The following GOLGA4 variants were observed in gnomAD, a reference collection of about 807,000 sequenced individuals.
GOLGA4 encodes golgin A4.
A neutral mutation model predicts 265.9 loss-of-function variants in GOLGA4; 169 were observed. The ratio of observed to expected loss-of-function variants is 0.64; its 90% CI spans 0.56 to 0.72. GOLGA4 has a LOEUF of 0.72. Among genes scored for constraint, GOLGA4 ranks in the 30% least tolerant of loss-of-function variants. The probability of loss-of-function intolerance (pLI) is 0.00; values close to 1 mark genes in which losing one functional copy is unlikely to be tolerated. For missense variants in GOLGA4, 2,482 were observed against 2,483.4 expected (o/e 1.00, Z 0.01); for synonymous variants, 923 against 855.8 (o/e 1.08, Z -1.37).
intron 10 of GOLGA4, among the ~76,000 whole-genome samples, chr3:37,308,367 A>C (rs1268656117): frequency 2.0e-5 from 3 of 151,880 alleles, no homozygotes; most frequent in Non-Finnish European, 4.4e-5. Context: ...GTAGTTTTCC[A>C]TTGCAAAAGT....
At chr3:37,363,258 G>A (rs2151097046) in intron 23 of GOLGA4, among the ~76,000 whole-genome samples, 1 of 152,326 alleles carries the variant, frequency 6.6e-6, no homozygotes, top group Non-Finnish European at 1.5e-5. Context: ...GATAATAAAT[G>A]TGAACATTGA....
intron 5 of GOLGA4, among the ~76,000 whole-genome samples, chr3:37,290,315 G>A (rs978711523): frequency 6.6e-6 from 1 of 152,090 alleles, no homozygotes; most frequent in Non-Finnish European, 1.5e-5. Flanking sequence ...AGACTATTGC[G>A]TGAATTAACA....
intron 1 of GOLGA4, chr3:37,244,290 G>A (rs1343193154): frequency 6.6e-6 from 1 of 152,248 alleles, no homozygotes; most frequent in Non-Finnish European, 1.5e-5. Flanking sequence ...GGCGGGCGGA[G>A]GGGCAGACAC....
At chr3:37,298,602 GGTTT>G (rs2096884677) in intron 7 of GOLGA4, among the ~76,000 whole-genome samples, 1 of 152,128 alleles carries the variant, frequency 6.6e-6, no homozygotes, top group African/African-American at 2.4e-5. Flanking sequence ...GCAAGAAGGG[GGTTT>G]GTTTGGGAAA....
chr3:37,270,712 G>T (rs2096796336), intron 2 of GOLGA4, among the ~76,000 whole-genome samples: 1 of 151,718 alleles, frequency 6.6e-6, no homozygotes, highest in African/African-American at 2.4e-5. Context: ...AGTATATTTT[G>T]TATTTTATGC....
chr3:37,355,065 C>G, intron 21 of GOLGA4, 36 bp from the exon 22 acceptor site: 2 of 1,176,596 alleles, frequency 1.7e-6, no homozygotes, highest in Non-Finnish European at 1.3e-6. Flanking sequence ...ATATGCTTCA[C>G]TGTCTGTTAG....
chr3:37,249,166 G>A (rs2096727317), intron 1 of GOLGA4, among the ~76,000 whole-genome samples: 1 of 152,130 alleles, frequency 6.6e-6, no homozygotes, highest in Non-Finnish European at 1.5e-5. Context: ...TCTAGGTGTG[G>A]GAAGGGTTTA....
At position 37,335,072 on chromosome 3, in the gene GOLGA4, C is replaced by T. The variant is rs758977059; in HGVS notation, c.6212C>T (p.Thr2071Ile). The change falls in exon 17 of 24, where the codon ACT becomes ATT. Residue 2071 changes from threonine to isoleucine, a missense_variant. Transcript: ENST00000361924. Reference sequence around the variant, plus strand: ...CTAAAGGCTCGTGAAGAAGAAATGACTGCAAAAGTAAGGGACCTGCAGACT... The same window carrying T: ...CTAAAGGCTCGTGAAGAAGAAATGATTGCAAAAGTAAGGGACCTGCAGACT... The part of the protein sequence containing the change: ...EILDAREEEM[T>I]AKVRDLQTQL... 2 of 1,597,220 alleles carry T rather than the reference C, an allele frequency of 1.3e-6. No individual in the cohort carries two copies. The highest frequency in any genetic ancestry group is 2.7e-5 in the African/African-American group (2 of 74,068).
chr3:37,365,281 T>G (rs772612487), intron 23 of GOLGA4, among the ~76,000 whole-genome samples: 11 of 152,150 alleles, frequency 7.2e-5, no homozygotes, highest in Non-Finnish European at 1.6e-4. Context: ...TTTTTATTGT[T>G]TTTTTGAGGC....
intron 21 of GOLGA4, among the ~76,000 whole-genome samples, chr3:37,350,791 A>G (rs1192762220): frequency 2.0e-5 from 3 of 152,166 alleles, no homozygotes. Context: ...TAAGTGTTCA[A>G]TAGGCATTTT....
intron 7 of GOLGA4, 79 bp from the exon 8 acceptor site, chr3:37,298,753 TG>T (rs1280273602): frequency 6.4e-6 from 6 of 941,322 alleles, no homozygotes; most frequent in African/African-American, 3.3e-5. Flanking sequence ...TAGATCTCTT[TG>T]ACTGTCTCAG....
intron 23 of GOLGA4, among the ~76,000 whole-genome samples, chr3:37,364,840 C>A (rs1696625149): frequency 6.6e-6 from 1 of 151,712 alleles, no homozygotes; most frequent in African/African-American, 2.4e-5. Context: ...AGTCCTCTGA[C>A]CCTGGTCTCC....
chr3:37,265,258 G>C (rs916167672), intron 2 of GOLGA4, among the ~76,000 whole-genome samples: 1 of 152,002 alleles, frequency 6.6e-6, no homozygotes, highest in Admixed American at 6.6e-5. Flanking sequence ...CAGTATTTTG[G>C]TGTGTAGTAT....
At chr3:37,246,306 CAA>C (rs58075364) in intron 1 of GOLGA4, among the ~76,000 whole-genome samples, 31 of 75,438 alleles carry the variant, frequency 4.1e-4, no homozygotes, top group East Asian at 8.1e-4. Context: ...GACTCCGTCT[CAA>C]AAAAAAAAAA....
chr3:37,365,582 C>A (rs1696686910), intron 23 of GOLGA4, among the ~76,000 whole-genome samples: 1 of 151,778 alleles, frequency 6.6e-6, no homozygotes, highest in Non-Finnish European at 1.5e-5. Context: ...ATCTTTAATT[C>A]CAGTCCAATA....
In GOLGA4 at chr3:37,340,191, CT is replaced by C; in HGVS notation, c.6466del (p.Tyr2156ThrfsTer31). 3.0e-6 allele frequency: 4 copies of C among 1,330,616 alleles called. No individual in the cohort carries two copies. The highest frequency in any genetic ancestry group is 4.2e-6 in the Non-Finnish European group (4 of 945,864). The allele number at this position is 1,330,616 out of a possible 1,614,324, so 82.4% of individuals were successfully genotyped here. On this transcript the variant is annotated frameshift_variant, in exon 20 of 24. Transcript: ENST00000361924. LOFTEE classifies it high-confidence loss of function. ...GTATATGCAACAACTGTGGGGACAC[CT>C]TACAAAGGTAAGGATGATCTCGTGT... is the stretch of plus-strand genomic sequence containing the variant. ...KNVYATTVGT[P>X]YKGGNLYHTD...
In GOLGA4 at chr3:37,326,619, A is replaced by G. The variant is rs770998784; in HGVS notation, c.4733A>G (p.Asn1578Ser). 3.7e-6 allele frequency: 6 copies of G among 1,613,204 alleles called. No homozygotes were observed. The Admixed American group carries it at 6.7e-5, about 18-fold the overall frequency. Residue 1578 changes from asparagine (N) to serine (S), a missense_variant, in exon 14 of 24, where the codon AAC becomes AGC. Physicochemically the swap from Asn to Ser is conservative, Grantham distance 46 (BLOSUM62 1). This residue lies in a region of GOLGA4 where 942 missense variants were observed against 983.1 expected (regional missense o/e 0.96). Coordinates refer to ENST00000361924, the MANE Select transcript of GOLGA4 (RefSeq NM_002078.5). ...HFQELGEEKDNRVKEAEEKIL... is the reference protein window; with the variant it reads ...HFQELGEEKDSRVKEAEEKIL... The stretch of plus-strand genomic sequence containing the variant: ...CAAGAGTTAGGAGAAGAAAAGGACA[A>G]CAGGGTTAAAGAAGCTGAAGAAAAA...
chr3:37,276,115 G>T (rs1161837414), intron 2 of GOLGA4: 5 of 1,610,548 alleles, frequency 3.1e-6, no homozygotes, highest in Non-Finnish European at 3.4e-6. Flanking sequence ...ATTCTGTGCA[G>T]TTGAAGTGTA....
rs562348084 is a variant in GOLGA4, at chr3:37,289,368, A to G, written c.582+77A>G. On this transcript the variant is annotated intron_variant, in intron 5 of 23. Transcript: ENST00000361924. ...TCAGAACTGTTGTATGTGCTAGGGTAGTTTCATATGCATCTCATTAGTTAT... is the reference window on the plus strand; with the variant it reads ...TCAGAACTGTTGTATGTGCTAGGGTGGTTTCATATGCATCTCATTAGTTAT... 634 of 871,560 alleles carry G rather than the reference A, an allele frequency of 7.3e-4. 1 individual carries two copies. The highest frequency in any genetic ancestry group is 1.1e-3 in the Non-Finnish European group (592 of 538,728). The allele number at this position is 871,560 out of a possible 1,614,324, so 54.0% of individuals were successfully genotyped here.
Sources: gnomAD v4.1 joint callset for allele counts (sites outside exome capture counted in the v4.1 genomes callset) on GRCh38, gnomAD v4.1.1 for gene constraint, gnomAD v4.1.1 regional missense constraint, MANE v1.5 for transcripts, NCBI Gene and HGNC (gene_info 2026-07-23, HGNC 2026-07-21) for gene names.